AIG1: variants seen among roughly 807,000 people sequenced by gnomAD.
AIG1 encodes androgen-induced gene 1 protein.
In AIG1, 23 loss-of-function variants were observed where a neutral mutation model predicts 31.4. That is an observed-to-expected ratio of 0.73 (90% CI 0.53 to 1.04). The LOEUF (loss-of-function observed/expected upper bound fraction) is 1.04, where lower values mean the gene tolerates loss of function less well. AIG1 is among the 50% of genes least tolerant of loss of function. The pLI is 0.00. For missense variants in AIG1, 274 were observed against 295.0 expected (o/e 0.93, Z 0.52); for synonymous variants, 100 against 110.5 (o/e 0.90, Z 0.60).
In AIG1 at chr6:143,120,617, G is replaced by A. The variant is rs370844661; in HGVS notation, c.142-16218G>A. ...AAACCTGCCTCCATGATTCAATTAC[G>A]TTCCACCAGGTCCCTGTCATAACAC... On this transcript the variant is annotated intron_variant, in intron 1 of 5. Transcript: ENST00000357847. 1.8e-4 allele frequency among the ~76,000 whole-genome samples: 28 copies of A among 152,248 alleles called. No homozygotes were observed. In the South Asian group the frequency reaches 4.8e-3, roughly 26 times the overall value.
intron 3 of AIG1, chr6:143,187,933 G>T: frequency 7.8e-7 from 1 of 1,287,426 alleles, no homozygotes; most frequent in South Asian, 2.3e-5. Flanking sequence ...ACCTCCATAA[G>T]GAATGATACT....
At chr6:143,083,103 C>T (rs1356188265) in intron 1 of AIG1, among the ~76,000 whole-genome samples, 1 of 152,178 alleles carries the variant, frequency 6.6e-6, no homozygotes, top group Non-Finnish European at 1.5e-5. Flanking sequence ...TCACTGAGGG[C>T]CCTGGTGCCT....
At chr6:143,196,054 G>A (rs2128602199) in intron 3 of AIG1, among the ~76,000 whole-genome samples, 1 of 152,312 alleles carries the variant, frequency 6.6e-6, no homozygotes, top group African/African-American at 2.4e-5. Flanking sequence ...TGAAAGAGGT[G>A]CTGTTTCTGG....
At chr6:143,071,026 A>T (rs905886294) in intron 1 of AIG1, among the ~76,000 whole-genome samples, 2 of 152,266 alleles carry the variant, frequency 1.3e-5, no homozygotes, top group Non-Finnish European at 2.9e-5. Flanking sequence ...AAAACAGTAA[A>T]GTTATAGAAC....
intron 1 of AIG1, among the ~76,000 whole-genome samples, chr6:143,105,456 T>C (rs1000119729): frequency 2.6e-5 from 4 of 152,310 alleles, no homozygotes; most frequent in Admixed American, 6.5e-5. Context: ...GTCCAAAATA[T>C]TTGTCCAGGA....
intron 3 of AIG1, among the ~76,000 whole-genome samples, chr6:143,238,178 T>C (rs1793955236): frequency 6.6e-6 from 1 of 152,146 alleles, no homozygotes; most frequent in Non-Finnish European, 1.5e-5. Flanking sequence ...TGACCTCAGG[T>C]GGTCTGCCCA....
chr6:143,164,105 G>T (rs1786685810), intron 2 of AIG1, among the ~76,000 whole-genome samples: 1 of 152,096 alleles, frequency 6.6e-6, no homozygotes. Context: ...TAAAATATGG[G>T]AGCATGAATG....
At chr6:143,158,528 A>C (rs1786017784) in intron 2 of AIG1, among the ~76,000 whole-genome samples, 1 of 152,192 alleles carries the variant, frequency 6.6e-6, no homozygotes, top group African/African-American at 2.4e-5. Flanking sequence ...GTGTTTCATC[A>C]GTTTCACTTC....
rs113100731 is a variant in AIG1 at position 143,229,580 on chromosome 6, C to G, written c.400-54530C>G. ...CACACCCTCATTTACCAGGAGACTG[C>G]TATGATGTCATTGCTTGTGTCTCAA... On this transcript the variant is annotated intron_variant, in intron 3 of 5. Coordinates refer to ENST00000357847, the MANE Select transcript of AIG1 (RefSeq NM_016108.4). Among the ~76,000 whole-genome samples, 555 of 152,280 alleles carry G rather than the reference C, an allele frequency of 3.6e-3. 1 individual carries two copies. The highest frequency in any genetic ancestry group is 0.013 in the African/African-American group (526 of 41,554).
In AIG1 at chr6:143,281,888, T is replaced by C. The variant is rs553083512; in HGVS notation, c.400-2222T>C. On this transcript the variant is annotated intron_variant, in intron 3 of 5. Coordinates refer to ENST00000357847, the MANE Select transcript of AIG1 (RefSeq NM_016108.4). ...CAAAAAGATCTTTTGTCTGTGGTTA[T>C]GTCACTGATGGGACAAGTTGCTCCT... Among the ~76,000 whole-genome samples the C allele has an allele frequency of 2.6e-5, 4 of 152,356 alleles. No homozygotes were observed. In the South Asian group the frequency reaches 8.3e-4, roughly 32 times the overall value.
chr6:143,283,480 A>G (rs78537237), intron 3 of AIG1, among the ~76,000 whole-genome samples: 1,856 of 152,344 alleles, frequency 0.012, 38 homozygotes, highest in African/African-American at 0.04. Context: ...AACATAATTT[A>G]ACATTTGGAC....
At chr6:143,144,658 A>T (rs1178595339) in intron 2 of AIG1, among the ~76,000 whole-genome samples, 1 of 152,242 alleles carries the variant, frequency 6.6e-6, no homozygotes, top group East Asian at 1.9e-4. Flanking sequence ...ACTTCATTCA[A>T]GTCTGCTCAA....
At chr6:143,302,189 T>C (rs932734577) in intron 4 of AIG1, among the ~76,000 whole-genome samples, 1 of 151,768 alleles carries the variant, frequency 6.6e-6, no homozygotes. Flanking sequence ...TTTTATTTTT[T>C]TATTTTTTAT....
intron 3 of AIG1, among the ~76,000 whole-genome samples, chr6:143,215,247 T>C (rs982962977): frequency 1.3e-5 from 2 of 152,170 alleles, no homozygotes; most frequent in African/African-American, 4.8e-5. Context: ...TTTAAACATT[T>C]CCACCCCAAA....
chr6:143,216,728 A>G (rs1000963939), intron 3 of AIG1, among the ~76,000 whole-genome samples: 36 of 152,194 alleles, frequency 2.4e-4, no homozygotes, highest in African/African-American at 8.7e-4. Flanking sequence ...GGAACTTTGT[A>G]TTGAGAGAGA....
chr6:143,136,269 C>T (rs974835029), intron 1 of AIG1, among the ~76,000 whole-genome samples: 7 of 152,068 alleles, frequency 4.6e-5, no homozygotes, highest in Admixed American at 2.0e-4. Context: ...TACATTCAGT[C>T]GATTTTTTTA....
intron 3 of AIG1, among the ~76,000 whole-genome samples, chr6:143,223,768 A>T (rs544196426): frequency 1.3e-5 from 2 of 152,322 alleles, no homozygotes; most frequent in East Asian, 3.9e-4. Context: ...AAATTGAATA[A>T]CTACAATTTA....
At chr6:143,071,960 A>T (rs554574573) in intron 1 of AIG1, among the ~76,000 whole-genome samples, 51 of 148,754 alleles carry the variant, frequency 3.4e-4, no homozygotes, top group Admixed American at 8.0e-4. Flanking sequence ...GTTTTTTTTT[A>T]AATTTTTTTT....
intron 1 of AIG1, among the ~76,000 whole-genome samples, chr6:143,136,427 A>G (rs1195324029): frequency 6.6e-6 from 1 of 152,206 alleles, no homozygotes; most frequent in Non-Finnish European, 1.5e-5. Context: ...CTTCTTAGAT[A>G]TTTGTTAAAA....
Sources: gnomAD v4.1 joint callset for allele counts (sites outside exome capture counted in the v4.1 genomes callset) on GRCh38, gnomAD v4.1.1 for gene constraint, MANE v1.5 for transcripts, NCBI Gene and HGNC (gene_info 2026-07-23, HGNC 2026-07-21) for gene names.